ATAD1: variants seen among roughly 807,000 people sequenced by gnomAD.
ATAD1 encodes ATPase family AAA domain containing 1, also known as outer mitochondrial transmembrane helix translocase.
Under a neutral mutation model 42.7 loss-of-function variants are expected in ATAD1, and 18 were observed. That is an observed-to-expected ratio of 0.42 (90% CI 0.29 to 0.63). The LOEUF is 0.63. Ranked by LOEUF, ATAD1 falls within the 20% of genes least tolerant of loss-of-function variation. The pLI is 0.19. For synonymous variants in ATAD1, 132 were observed against 143.1 expected (o/e 0.92, Z 0.55); for missense variants, 294 against 440.4 (o/e 0.67, Z 2.98).
At chr10:87,836,749 T>G (rs1857936910) in intron 1 of ATAD1, among the ~76,000 whole-genome samples, 1 of 152,204 alleles carries the variant, frequency 6.6e-6, no homozygotes, top group Non-Finnish European at 1.5e-5. Context: ...TAGTTATTCT[T>G]TCAAATATTT....
chr10:87,802,991 C>T (rs1004712848), intron 2 of ATAD1, among the ~76,000 whole-genome samples: 2 of 152,040 alleles, frequency 1.3e-5, no homozygotes, highest in African/African-American at 4.8e-5. Flanking sequence ...TTCTTAATGC[C>T]CTAAGAACTG....
chr10:87,798,739 C>T (rs556764335), intron 2 of ATAD1, among the ~76,000 whole-genome samples: 108 of 151,584 alleles, frequency 7.1e-4, no homozygotes, highest in Middle Eastern at 6.8e-3. Context: ...GCACACTAGA[C>T]GTTTTCTTTC....
chr10:87,811,564 GTA>G (rs1179671950), intron 2 of ATAD1, among the ~76,000 whole-genome samples: 1 of 152,022 alleles, frequency 6.6e-6, no homozygotes, highest in Non-Finnish European at 1.5e-5. Context: ...ATCACTCTTA[GTA>G]TAGTCATTAC....
At chr10:87,770,829 C>T (rs1314917009) in intron 7 of ATAD1, 123 bp downstream of exon 7, 51 of 695,878 alleles carry the variant, frequency 7.3e-5, no homozygotes, top group Non-Finnish European at 1.0e-4. Flanking sequence ...AGGGTTTCTG[C>T]CCCATTCCTT....
rs147846530 is a variant in ATAD1, at chr10:87,799,290, C to G, written c.163-6535G>C. On this transcript the variant is annotated intron_variant, in intron 2 of 9. Coordinates refer to ENST00000680024, the MANE Select transcript of ATAD1 (RefSeq NM_001321967.2). ...TAAAAACCATAAATCCAGCCCCAAA[C>G]AGAATGATCTTTGCTTGCGTAATTG... 5.3e-3 allele frequency among the ~76,000 whole-genome samples: 804 copies of G among 152,264 alleles called. 4 individuals carry two copies. The highest frequency in any genetic ancestry group is 7.7e-3 in the South Asian group (37 of 4,826).
chr10:87,769,522 C>T (rs1452479428), intron 7 of ATAD1, among the ~76,000 whole-genome samples: 1 of 152,200 alleles, frequency 6.6e-6, no homozygotes, highest in East Asian at 1.9e-4. Flanking sequence ...TTTAAACATA[C>T]CTTCATAAAG....
At chr10:87,806,501 C>T (rs1589545313) in intron 2 of ATAD1, among the ~76,000 whole-genome samples, 1 of 152,078 alleles carries the variant, frequency 6.6e-6, no homozygotes, top group Admixed American at 6.5e-5. Flanking sequence ...AAATTGAAAT[C>T]ATCTCTTGCT....
chr10:87,833,249 G>A (rs1857866726), intron 1 of ATAD1, among the ~76,000 whole-genome samples: 1 of 152,100 alleles, frequency 6.6e-6, no homozygotes. Flanking sequence ...ATTGTAAATG[G>A]TATTGTTTAA....
At chr10:87,759,634 AT>A (rs1415837076) in intron 8 of ATAD1, 1 of 347,538 alleles carries the variant, frequency 2.9e-6, no homozygotes, top group Admixed American at 3.6e-5. Context: ...CCAACCAAGT[AT>A]AAGAAAACAA....
chr10:87,814,455 C>T lies in ATAD1; in HGVS notation c.145G>A (p.Val49Ile), dbSNP rs1464591867. The change falls in exon 2 of 10, where the codon GTA becomes ATA. Residue 49 changes from valine to isoleucine, a missense_variant. Val to Ile is a conservative substitution (Grantham distance 29). Around this residue, in one of 3 missense-constraint regions of ATAD1, gnomAD observed 121 missense variants for 187.3 expected, o/e 0.65. Coordinates refer to ENST00000680024, the MANE Select transcript of ATAD1 (RefSeq NM_001321967.2). ...DAIDPTRKQKVEAQKQAEKLM... is the reference protein window; with the variant it reads ...DAIDPTRKQKIEAQKQAEKLM... The stretch of plus-strand genomic sequence containing the variant: ...AATCATACCTGTTTCTGAGCTTCTA[C>T]TTTTTGCTTTCTGGTTGGATCAATT... 2 of 1,598,634 alleles carry T rather than the reference C, an allele frequency of 1.3e-6. No homozygotes were observed. Among genetic ancestry groups the T allele is most frequent in the Admixed American group, 1.7e-5 (1 of 57,716 alleles).
chr10:87,827,841 G>A (rs1326469094), intron 1 of ATAD1, among the ~76,000 whole-genome samples: 1 of 152,204 alleles, frequency 6.6e-6, no homozygotes, highest in African/African-American at 2.4e-5. Flanking sequence ...AGCTAGAAAT[G>A]ATTAAGCTTA....
chr10:87,819,263 CAAAAAAA>C (rs57941047), upstream of ATAD1: 11 of 53,716 alleles, frequency 2.0e-4, no homozygotes, highest in African/African-American at 3.7e-4. Context: ...ATCGTCTCTA[CAAAAAAA>C]AAAAAAAAAA....
At chr10:87,805,530 T>A (rs1856882381) in intron 2 of ATAD1, among the ~76,000 whole-genome samples, 1 of 152,160 alleles carries the variant, frequency 6.6e-6, no homozygotes. Context: ...TCCACAATGA[T>A]TTAATCTCAT....
At chr10:87,836,676 T>G (rs1159149938) in intron 1 of ATAD1, among the ~76,000 whole-genome samples, 1 of 152,240 alleles carries the variant, frequency 6.6e-6, no homozygotes, top group Non-Finnish European at 1.5e-5. Context: ...GGTTATACCC[T>G]GTTTGGTGTC....
intron 1 of ATAD1, among the ~76,000 whole-genome samples, chr10:87,831,214 C>T (rs1207212583): frequency 6.6e-6 from 1 of 152,192 alleles, no homozygotes; most frequent in East Asian, 1.9e-4. Flanking sequence ...TTGTTGTCAT[C>T]ATAATTATCT....
chr10:87,790,470 G>C, intron 3 of ATAD1, 40 bp from the exon 4 acceptor site: 1 of 1,555,536 alleles, frequency 6.4e-7, no homozygotes, highest in Non-Finnish European at 8.6e-7. Flanking sequence ...TACTACAAAT[G>C]TACACTCACT....
intron 3 of ATAD1, 35 bp downstream of exon 3, chr10:87,792,622 C>CAAAAAAAAAAT: frequency 5.2e-6 from 7 of 1,355,214 alleles, no homozygotes; most frequent in Non-Finnish European, 6.3e-6. Flanking sequence ...ACCCCCACCT[C>CAAAAAAAAAAT]TAAAAAAATC....
intron 1 of ATAD1, among the ~76,000 whole-genome samples, chr10:87,836,883 A>G (rs565714019): frequency 6.6e-6 from 1 of 152,142 alleles, no homozygotes; most frequent in South Asian, 2.1e-4. Flanking sequence ...TTTTCTCTCC[A>G]TTGTTCACAT....
intron 7 of ATAD1, among the ~76,000 whole-genome samples, chr10:87,768,833 T>C (rs984147274): frequency 2.0e-5 from 3 of 152,162 alleles, no homozygotes; most frequent in Middle Eastern, 3.2e-3. Flanking sequence ...CCAGTAATCC[T>C]AACACTTTGG....
Sources: allele counts gnomAD v4.1 joint callset (sites outside exome capture counted in the v4.1 genomes callset), GRCh38; gene constraint gnomAD v4.1.1; regional missense constraint gnomAD v4.1.1; transcripts MANE v1.5; gene names NCBI Gene and HGNC (gene_info 2026-07-23, HGNC 2026-07-21).